CEP350: variants seen among roughly 807,000 people sequenced by gnomAD.
CEP350 encodes the protein centrosomal protein 350, also known as centrosome-associated protein 350.
In CEP350, 126 loss-of-function variants were observed where a neutral mutation model predicts 331.8. The ratio of observed to expected loss-of-function variants is 0.38; its 90% CI spans 0.33 to 0.44. The LOEUF is 0.44. Ranked by LOEUF, CEP350 falls within the 20% of genes least tolerant of loss-of-function variation. The pLI, the probability that CEP350 is intolerant of heterozygous loss-of-function variation, is 1.00. For missense variants in CEP350, 3,406 were observed against 3,634.6 expected (o/e 0.94, Z 1.62); for synonymous variants, 1,200 against 1,259.5 (o/e 0.95, Z 1.00).
intron 17 of CEP350, among the ~76,000 whole-genome samples, chr1:180,037,440 G>A (rs189085902): frequency 6.1e-4 from 76 of 125,482 alleles, no homozygotes; most frequent in Non-Finnish European, 1.1e-3. Context: ...AGTTCTATTT[G>A]TACCAAAAAG....
chr1:180,077,700 A>G (rs1310861135), intron 28 of CEP350, among the ~76,000 whole-genome samples: 2 of 151,804 alleles, frequency 1.3e-5, no homozygotes, highest in Non-Finnish European at 2.9e-5. Flanking sequence ...AAGCCAAAAT[A>G]AATGGAACAT....
intron 33 of CEP350, among the ~76,000 whole-genome samples, chr1:180,091,324 G>A (rs1332239431): frequency 1.3e-5 from 2 of 152,050 alleles, no homozygotes; most frequent in Non-Finnish European, 2.9e-5. Context: ...TTATGGGCAT[G>A]AGCCACCACA....
At chr1:180,005,872 T>C (rs576695331) in intron 7 of CEP350, among the ~76,000 whole-genome samples, 6 of 152,332 alleles carry the variant, frequency 3.9e-5, no homozygotes, top group African/African-American at 1.2e-4. Flanking sequence ...TGCAGAACTC[T>C]ACACATATTT....
At chr1:180,019,207 G>C (rs1017426314) in intron 11 of CEP350, among the ~76,000 whole-genome samples, 4 of 152,154 alleles carry the variant, frequency 2.6e-5, no homozygotes, top group African/African-American at 9.7e-5. Flanking sequence ...TAATCTCTCT[G>C]TAGTATCCCT....
chr1:180,095,494 G>T (rs749835032), intron 34 of CEP350, 29 bp from the exon 35 acceptor site: 1 of 1,579,084 alleles, frequency 6.3e-7, no homozygotes, highest in Admixed American at 1.9e-5. Flanking sequence ...CCTAAATGGT[G>T]CTCTGTTTGA....
chr1:180,101,942 T>A (rs1420009030), intron 37 of CEP350, among the ~76,000 whole-genome samples: 1 of 152,196 alleles, frequency 6.6e-6, no homozygotes, highest in Admixed American at 6.5e-5. Flanking sequence ...CCTCCAGGTT[T>A]AGCTATCCAG....
intron 19 of CEP350, among the ~76,000 whole-genome samples, chr1:180,042,422 AT>A (rs1027668883): frequency 2.6e-5 from 4 of 152,316 alleles, no homozygotes; most frequent in Non-Finnish European, 4.4e-5. Flanking sequence ...AGCAGTTATA[AT>A]TTTTTTAAAC....
chr1:179,966,379 T>A (rs537495668), intron 1 of CEP350, among the ~76,000 whole-genome samples: 25 of 152,318 alleles, frequency 1.6e-4, no homozygotes, highest in African/African-American at 6.0e-4. Context: ...TTAAATTACC[T>A]TTAGTAAGAT....
chr1:180,039,608 C>G (rs1459878770), intron 17 of CEP350, among the ~76,000 whole-genome samples: 1 of 97,288 alleles, frequency 1.0e-5, no homozygotes, highest in Non-Finnish European at 2.3e-5. Context: ...GACTCATTTT[C>G]CATTAATCTA....
At chr1:180,052,462 A>G (rs1054191352) in intron 22 of CEP350, 3 of 266,834 alleles carry the variant, frequency 1.1e-5, no homozygotes, top group African/African-American at 7.0e-5. Context: ...TAGTACCAGA[A>G]AGGGAAGAAG....
Position 179,996,533 on chromosome 1 carries a change from C to T in CEP350, c.396-20C>T, listed in dbSNP as rs1303122372. ...TATATTATTAATCATAGTCACAGAGCTTATTATTTTTTATTGTAGGGAAAT... is the reference window on the plus strand; with the variant it reads ...TATATTATTAATCATAGTCACAGAGTTTATTATTTTTTATTGTAGGGAAAT... On this transcript the variant is annotated intron_variant, in intron 5 of 37. Coordinates refer to ENST00000367607, the MANE Select transcript of CEP350 (RefSeq NM_014810.5). The T allele has an allele frequency of 6.7e-7, 1 of 1,503,350 alleles. No individual in the cohort carries two copies. The highest frequency in any genetic ancestry group is 1.3e-5 in the South Asian group (1 of 79,592). The allele number at this position is 1,503,350 out of a possible 1,614,324, so 93.1% of individuals were successfully genotyped here.
At chr1:179,973,044 T>C (rs367729155) in intron 1 of CEP350, among the ~76,000 whole-genome samples, 32 of 152,108 alleles carry the variant, frequency 2.1e-4, no homozygotes, top group African/African-American at 7.7e-4. Context: ...ATTTTTTGTA[T>C]TTTTAGTAGA....
intron 7 of CEP350, among the ~76,000 whole-genome samples, chr1:180,004,882 G>T (rs753297158): frequency 4.3e-5 from 3 of 69,922 alleles, no homozygotes; most frequent in Admixed American, 1.6e-4. Flanking sequence ...TGGCTTGCTT[G>T]CTTGCTTGCT....
rs911109347 is a variant in CEP350, at chr1:179,955,193, A to G, written c.-14+51A>G. On this transcript the variant is annotated intron_variant, in intron 1 of 37. Coordinates refer to ENST00000367607, the MANE Select transcript of CEP350 (RefSeq NM_014810.5). ...GACCGCGGAGTCTCGCTCAGCCTCA[A>G]CTGTCTCTGTCCGCGGTCCCGGGTC... is the stretch of plus-strand genomic sequence containing the variant. 158 of 1,286,360 alleles carry G rather than the reference A, an allele frequency of 1.2e-4. No homozygotes were observed. In the African/African-American group the frequency reaches 2.1e-3, roughly 17 times the overall value. 79.7% of individuals were successfully genotyped at this position (1,286,360 alleles called of 1,614,324 possible). A position where few individuals can be genotyped will look rare whatever the true frequency, so the allele number is the denominator to read the frequency against.
intron 2 of CEP350, 57 bp downstream of exon 2, chr1:179,986,311 A>C (rs977455015): frequency 7.9e-7 from 1 of 1,271,476 alleles, no homozygotes; most frequent in Non-Finnish European, 1.1e-6. Flanking sequence ...ATGTGTATTA[A>C]ATTTTGGTCT....
chr1:180,002,665 A>G (rs1237186299), intron 6 of CEP350, among the ~76,000 whole-genome samples: 1 of 152,204 alleles, frequency 6.6e-6, no homozygotes, highest in African/African-American at 2.4e-5. Context: ...CAGCATTGTT[A>G]ATAATAGCCA....
At chr1:180,097,557 T>C (rs1660554122) in intron 36 of CEP350, among the ~76,000 whole-genome samples, 2 of 152,214 alleles carry the variant, frequency 1.3e-5, no homozygotes, top group Admixed American at 6.5e-5. Context: ...CATTGTTTTT[T>C]TAACAGAACA....
intron 30 of CEP350, among the ~76,000 whole-genome samples, chr1:180,081,955 A>G (rs1291386531): frequency 2.6e-5 from 4 of 152,222 alleles, no homozygotes; most frequent in South Asian, 2.1e-4. Flanking sequence ...ATGTTTTTAT[A>G]TATTTGCTTT....
intron 15 of CEP350, among the ~76,000 whole-genome samples, chr1:180,031,713 C>A (rs1441211655): frequency 1.3e-5 from 2 of 151,982 alleles, no homozygotes; most frequent in Non-Finnish European, 2.9e-5. Context: ...TAAACTGTTA[C>A]AACCTCTTTC....
Sources: gnomAD v4.1 joint callset for allele counts (sites outside exome capture counted in the v4.1 genomes callset) on GRCh38, gnomAD v4.1.1 for gene constraint, MANE v1.5 for transcripts, NCBI Gene and HGNC (gene_info 2026-07-23, HGNC 2026-07-21) for gene names.